Variants in STAU1 observed in about 807,000 individuals in gnomAD.
The protein encoded by STAU1 is double-stranded RNA-binding protein Staufen homolog 1.
In STAU1, 13 loss-of-function variants were observed where a neutral mutation model predicts 62.9. The ratio of observed to expected loss-of-function variants is 0.21; its 90% confidence interval spans 0.13 to 0.33. STAU1 has a LOEUF of 0.33. STAU1 is among the 10% of genes least tolerant of loss of function. STAU1 has a pLI of 1.00. For synonymous variants in STAU1, 269 were observed against 265.1 expected (o/e 1.01, Z -0.14); for missense variants, 571 against 712.1 (o/e 0.80, Z 2.25).
intron 2 of STAU1, among the ~76,000 whole-genome samples, chr20:49,167,767 C>A (rs2093546120): frequency 6.6e-6 from 1 of 152,134 alleles, no homozygotes; most frequent in Non-Finnish European, 1.5e-5. Flanking sequence ...TTCATTTATT[C>A]ACTCACTCCT....
At chr20:49,193,475 A>G in the STAU1 span, among the ~76,000 whole-genome samples, 4 of 152,230 alleles carry the variant, frequency 2.6e-5, no homozygotes, top group Non-Finnish European at 4.4e-5. Flanking sequence ...GATAGAGACC[A>G]TCCTGGCAAA....
At chr20:49,184,367 C>T (rs970299992) in intron 1 of STAU1, among the ~76,000 whole-genome samples, 2 of 152,082 alleles carry the variant, frequency 1.3e-5, no homozygotes, top group Non-Finnish European at 2.9e-5. Flanking sequence ...GGTGCAAGGC[C>T]GGAACCAGTC....
chr20:49,134,186 C>T (rs900015215), intron 6 of STAU1, among the ~76,000 whole-genome samples: 10 of 152,158 alleles, frequency 6.6e-5, no homozygotes, highest in African/African-American at 2.4e-4. Context: ...AATCCCAGCA[C>T]TTTGGGAGGC....
chr20:49,161,861 T>C (rs976677336), intron 3 of STAU1, among the ~76,000 whole-genome samples: 21 of 152,186 alleles, frequency 1.4e-4, no homozygotes, highest in African/African-American at 5.1e-4. Context: ...ACTAGGGTCT[T>C]TTCTGAACCA....
At chr20:49,195,904 A>AAAAAAAAAAAGAAAAG in the STAU1 span, among the ~76,000 whole-genome samples, 9 of 95,364 alleles carry the variant, frequency 9.4e-5, no homozygotes, top group Admixed American at 1.6e-4. Context: ...CTCTCAAAAA[A>AAAAAAAAAAAGAAAAG]AAAAAAAAAA....
chr20:49,174,446 T>C (rs2093633946), intron 1 of STAU1, among the ~76,000 whole-genome samples, 177 bp from the exon 2 acceptor site: 2 of 152,204 alleles, frequency 1.3e-5, no homozygotes, highest in African/African-American at 2.4e-5. Flanking sequence ...CGGCCAGACA[T>C]GGTGGCTCAT....
At chr20:49,172,986 TCCCGCCCC>T (rs1354925458) in intron 2 of STAU1, among the ~76,000 whole-genome samples, 17 of 124,172 alleles carry the variant, frequency 1.4e-4, no homozygotes, top group Non-Finnish European at 2.7e-4. Flanking sequence ...CACGCCATTC[TCCCGCCCC>T]CCAACACCTG....
intron 3 of STAU1, among the ~76,000 whole-genome samples, chr20:49,165,049 TTTTA>T (rs1248672665): frequency 6.6e-6 from 1 of 152,126 alleles, no homozygotes; most frequent in Non-Finnish European, 1.5e-5. Flanking sequence ...TTTATTTATT[TTTTA>T]TTTATTTTTG....
At chr20:49,128,773 C>CAAAAAAAAA (rs34891670) in intron 6 of STAU1, among the ~76,000 whole-genome samples, 50 of 102,584 alleles carry the variant, frequency 4.9e-4, no homozygotes, top group African/African-American at 1.4e-3. Flanking sequence ...CATCCAAATC[C>CAAAAAAAAA]AAAAAAAAAA....
In STAU1 at chr20:49,154,875, A is replaced by T. The variant is rs186430580; in HGVS notation, c.206-804T>A. 4.0e-5 allele frequency among the ~76,000 whole-genome samples: 6 copies of T among 151,870 alleles called. No individual in the cohort carries two copies. The East Asian group carries it at 9.7e-4, about 25-fold the overall frequency. On this transcript the variant is annotated intron_variant, in intron 3 of 13. Transcript: ENST00000371856. ...CGAGGCGGGTGGATCACCTGAGGTCAGGAGTTCGAGACCAGCCTGGCTAAC... is the reference window on the plus strand; with the variant it reads ...CGAGGCGGGTGGATCACCTGAGGTCTGGAGTTCGAGACCAGCCTGGCTAAC...
chr20:49,149,248 C>CAA (rs1203773042), intron 5 of STAU1, among the ~76,000 whole-genome samples: 1 of 68,784 alleles, frequency 1.5e-5, no homozygotes, highest in Non-Finnish European at 2.7e-5. Context: ...GAGACTGTCT[C>CAA]AAAACACACA....
chr20:49,134,448 A>AAAAAAAAAAAAAAAAAAAAAC, intron 6 of STAU1: 5 of 625,664 alleles, frequency 8.0e-6, no homozygotes, highest in South Asian at 1.6e-5. Flanking sequence ...AAAAAAAAAA[A>AAAAAAAAAAAAAAAAAAAAAC]AGCTCTGGGT....
chr20:49,171,030 A>C (rs374692936), intron 2 of STAU1, among the ~76,000 whole-genome samples: 13 of 152,368 alleles, frequency 8.5e-5, no homozygotes, highest in African/African-American at 2.9e-4. Context: ...ATGTGAACCC[A>C]TAAATGGCAG....
At chr20:49,186,203 C>G (rs1432701928) in intron 1 of STAU1, among the ~76,000 whole-genome samples, 1 of 151,692 alleles carries the variant, frequency 6.6e-6, no homozygotes, top group African/African-American at 2.4e-5. Context: ...AAAATTAACA[C>G]GGCGCGGTGG....
At chr20:49,181,665 C>T (rs1331188085) in intron 1 of STAU1, among the ~76,000 whole-genome samples, 3 of 148,124 alleles carry the variant, frequency 2.0e-5, no homozygotes. Context: ...ACTCGGGAGG[C>T]TAAGGCAGGA....
the STAU1 span, among the ~76,000 whole-genome samples, chr20:49,215,471 A>G: frequency 1.1e-4 from 17 of 152,272 alleles, no homozygotes; most frequent in South Asian, 2.1e-4. Flanking sequence ...GGAAACTTAC[A>G]CTTTAGATTC....
intron 1 of STAU1, among the ~76,000 whole-genome samples, chr20:49,186,972 G>A (rs1200537330): frequency 6.6e-6 from 1 of 152,122 alleles, no homozygotes; most frequent in East Asian, 1.9e-4. Flanking sequence ...GCAACACGGA[G>A]GCGGGGCAAG....
At chr20:49,140,142 C>T (rs576519404) in intron 5 of STAU1, among the ~76,000 whole-genome samples, 50 of 151,508 alleles carry the variant, frequency 3.3e-4, no homozygotes, top group South Asian at 1.5e-3. Context: ...GCCGAGATCA[C>T]GCCACTGCAT....
chr20:49,160,590 C>G (rs978704889), intron 3 of STAU1, among the ~76,000 whole-genome samples: 12 of 152,092 alleles, frequency 7.9e-5, no homozygotes, highest in Non-Finnish European at 1.5e-4. Context: ...GTTTCAAAGA[C>G]TGAATTATTT....
Sources: gnomAD v4.1 joint callset for allele counts (sites outside exome capture counted in the v4.1 genomes callset) on GRCh38, gnomAD v4.1.1 for gene constraint, MANE v1.5 for transcripts, NCBI Gene and HGNC (gene_info 2026-07-23, HGNC 2026-07-21) for gene names.